MTMR9: variants seen among roughly 807,000 people sequenced by gnomAD.
The protein encoded by MTMR9 is myotubularin-related protein 9.
MTMR9 carries 39 observed loss-of-function variants against 69.5 expected under a neutral mutation model. The observed-to-expected ratio is 0.56, with a 90% CI of 0.43 to 0.73. The LOEUF is 0.73. MTMR9 is among the 30% of genes least tolerant of loss of function. MTMR9 has a pLI of 0.00. For synonymous variants in MTMR9, 354 were observed against 240.8 expected, an observed-to-expected ratio of 1.47 and a Z score of -4.35; for missense variants, 900 against 671.2, an observed-to-expected ratio of 1.34 and a Z score of -3.77.
intron 7 of MTMR9, chr8:11,316,410 G>A (rs890836146): frequency 3.3e-6 from 1 of 307,358 alleles, no homozygotes; most frequent in African/African-American, 2.2e-5. Context: ...TCTTCCATGG[G>A]ATATTCCAAG....
chr8:11,309,527 G>A lies in MTMR9; in HGVS notation c.810G>A (p.Arg270=), dbSNP rs200194209. The A allele has an allele frequency of 5.6e-6, 9 of 1,604,044 alleles. No individual in the cohort carries two copies. The highest frequency in any genetic ancestry group is 4.5e-5 in the East Asian group (2 of 44,790). Residue 270 remains arginine (R), a splice_region_variant and synonymous_variant, in exon 6 of 10, where the codon AGG becomes AGA. Transcript: ENST00000221086. Reference sequence around the variant, plus strand: ...TTTTTTACTTTCTTACTTTTAAAAGGTATCACATTCTTCAGGAGAGCTTAA... The same window carrying A: ...TTTTTTACTTTCTTACTTTTAAAAGATATCACATTCTTCAGGAGAGCTTAA... ...QWRRIHKSIE[R]YHILQESLIK...
At chr8:11,287,713 TATA>T (rs1167178338) in intron 1 of MTMR9, among the ~76,000 whole-genome samples, 9 of 136,156 alleles carry the variant, frequency 6.6e-5, no homozygotes, top group Non-Finnish European at 1.1e-4. Context: ...TTATATATAT[TATA>T]ATATATATTA....
downstream of MTMR9, among the ~76,000 whole-genome samples, chr8:11,332,677 C>A (rs931315761): frequency 6.6e-6 from 1 of 152,006 alleles, no homozygotes; most frequent in African/African-American, 2.4e-5. Context: ...TCTCAGCTCA[C>A]TGTAACATCC....
the MTMR9 span, among the ~76,000 whole-genome samples, chr8:11,338,387 G>A: frequency 6.6e-6 from 1 of 152,304 alleles, no homozygotes; most frequent in Non-Finnish European, 1.5e-5. Flanking sequence ...GCTCAGTGGT[G>A]GTGACCTTTG....
At chr8:11,295,356 G>A (rs1799516967) in intron 2 of MTMR9, 54 bp downstream of exon 2, 1 of 979,298 alleles carries the variant, frequency 1.0e-6, no homozygotes. Context: ...TTATGACTCA[G>A]TGTAGCTCTT....
downstream of MTMR9, chr8:11,330,828 C>T (rs1279676933): frequency 1.9e-6 from 1 of 514,418 alleles, no homozygotes; most frequent in African/African-American, 1.9e-5. Context: ...CCTTTGTTCA[C>T]TTGTTTATCT....
chr8:11,325,269 T>C lies in MTMR9; in HGVS notation c.*2481T>C, dbSNP rs1483840313. The C allele has an allele frequency of 6.6e-6, 1 of 152,198 alleles. No individual in the cohort carries two copies. The highest frequency in any genetic ancestry group is 1.9e-4 in the East Asian group (1 of 5,198). The allele number at this position is 152,198 out of a possible 1,614,324, so 9.4% of individuals were successfully genotyped here. ...CGGTCAGAAATAAGTCCATTATCAA[T>C]ATAATTTGAAGAAGATTTTTAGTAG... On this transcript the variant is annotated 3_prime_UTR_variant, in exon 10 of 10. Coordinates refer to ENST00000221086, the MANE Select transcript of MTMR9 (RefSeq NM_015458.4).
At chr8:11,293,057 A>T (rs1055544706) in intron 1 of MTMR9, among the ~76,000 whole-genome samples, 8 of 152,238 alleles carry the variant, frequency 5.3e-5, no homozygotes, top group Non-Finnish European at 1.2e-4. Flanking sequence ...AGAATTATCC[A>T]GAAGAAGGCA....
chr8:11,339,258 C>G, the MTMR9 span, among the ~76,000 whole-genome samples: 2 of 152,234 alleles, frequency 1.3e-5, no homozygotes, highest in Non-Finnish European at 2.9e-5. Context: ...TGCACCTTTA[C>G]TAGAACAGAC....
chr8:11,332,052 G>T, downstream of MTMR9: 1 of 1,611,956 alleles, frequency 6.2e-7, no homozygotes, highest in Non-Finnish European at 8.5e-7. Flanking sequence ...GGCAGGGGTT[G>T]TGCTGGGCAG....
intron 1 of MTMR9, among the ~76,000 whole-genome samples, chr8:11,286,863 G>A (rs192493837): frequency 1.4e-4 from 22 of 152,116 alleles, no homozygotes; most frequent in African/African-American, 4.8e-4. Context: ...ATTTACTGGT[G>A]CTGGTATATG....
chr8:11,335,160 A>T, the MTMR9 span, among the ~76,000 whole-genome samples: 1 of 152,234 alleles, frequency 6.6e-6, no homozygotes, highest in Admixed American at 6.5e-5. Flanking sequence ...ATGATTTTCT[A>T]TGTAGAAAGT....
At position 11,323,588 on chromosome 8, in the gene MTMR9, AAAATT is replaced by A. The variant is rs1248662204; in HGVS notation, c.*804_*808del. Reference sequence around the variant, plus strand: ...ACAATGTGTTTCAAATGCTGCTTGTAAAATTAAACCATCATCTAGAATAGAGTTAA... The same window carrying A: ...ACAATGTGTTTCAAATGCTGCTTGTAAAACCATCATCTAGAATAGAGTTAA... On this transcript the variant is annotated 3_prime_UTR_variant, in exon 10 of 10. Transcript: ENST00000221086. 6.6e-6 allele frequency: 1 copy of A among 152,256 alleles called. No individual in the cohort carries two copies. Among genetic ancestry groups the A allele is most frequent in the East Asian group, 1.9e-4 (1 of 5,208 alleles). The allele number at this position is 152,256 out of a possible 1,614,324, so 9.4% of individuals were successfully genotyped here.
chr8:11,287,969 TATA>T (rs1799237598), intron 1 of MTMR9, among the ~76,000 whole-genome samples: 1 of 124,018 alleles, frequency 8.1e-6, no homozygotes, highest in South Asian at 2.3e-4. Flanking sequence ...TACTATGTAT[TATA>T]TATGTATTAT....
At position 11,324,424 on chromosome 8, in the gene MTMR9, C is replaced by T. The variant is rs1275834649; in HGVS notation, c.*1636C>T. 6.6e-6 allele frequency: 1 copy of T among 151,332 alleles called. No individual in the cohort carries two copies. Among genetic ancestry groups the T allele is most frequent in the Non-Finnish European group, 1.5e-5 (1 of 67,974 alleles). 9.4% of individuals were successfully genotyped at this position (151,332 alleles called of 1,614,324 possible). On this transcript the variant is annotated 3_prime_UTR_variant, in exon 10 of 10. Transcript: ENST00000221086. ...TACTTTCTTTGCTGTAGTTATGAAC[C>T]TTGGGGCATTAAAATCCCATGGCAA...
chr8:11,295,442 G>A, intron 2 of MTMR9, 140 bp downstream of exon 2: 1 of 627,422 alleles, frequency 1.6e-6, no homozygotes, highest in South Asian at 1.9e-5. Context: ...CCTCACCCTG[G>A]TTCATCGTCA....
chr8:11,285,007 C>A lies in MTMR9; in HGVS notation c.119C>A (p.Ser40Tyr). The A allele has an allele frequency of 6.2e-7, 1 of 1,613,548 alleles. No homozygotes were observed. Among genetic ancestry groups the A allele is most frequent in the Non-Finnish European group, 8.5e-7 (1 of 1,179,790 alleles). ...ACGGGCCACCACTTGATCCTGTCCTCCCGGCAGGACAATACGGAGGAGCTG... is the reference window on the plus strand; with the variant it reads ...ACGGGCCACCACTTGATCCTGTCCTACCGGCAGGACAATACGGAGGAGCTG... ...CLTGHHLILS[S>Y]RQDNTEELWL... The change falls in exon 1 of 10, where the codon TCC (serine) becomes TAC (tyrosine). Residue 40 changes from serine to tyrosine, a missense_variant. By Grantham distance (144) the Ser-to-Tyr change is moderately radical (BLOSUM62 -2). Coordinates refer to ENST00000221086, the MANE Select transcript of MTMR9 (RefSeq NM_015458.4).
chr8:11,294,244 GT>G (rs1799470304), intron 1 of MTMR9, among the ~76,000 whole-genome samples: 1 of 152,066 alleles, frequency 6.6e-6, no homozygotes, highest in Non-Finnish European at 1.5e-5. Context: ...TACTGCACTA[GT>G]TATAACCTTG....
intron 1 of MTMR9, among the ~76,000 whole-genome samples, chr8:11,289,167 T>A (rs1390863494): frequency 1.3e-5 from 2 of 152,160 alleles, no homozygotes. Flanking sequence ...AGTGAGTCTC[T>A]GTCTCAAAAC....
Sources: allele counts gnomAD v4.1 joint callset (sites outside exome capture counted in the v4.1 genomes callset), GRCh38; gene constraint gnomAD v4.1.1; transcripts MANE v1.5; gene names NCBI Gene and HGNC (gene_info 2026-07-23, HGNC 2026-07-21).